The following PLCD1 variants were observed in gnomAD, a reference collection of about 807,000 sequenced individuals.
The protein encoded by PLCD1 is phospholipase C delta 1.
In PLCD1, 71 loss-of-function variants were observed where a neutral mutation model predicts 87.4. The ratio of observed to expected loss-of-function variants is 0.81; its 90% CI spans 0.67 to 0.99. The LOEUF (loss-of-function observed/expected upper bound fraction) is 0.99, where lower values mean the gene tolerates loss of function less well. Ranked by LOEUF, PLCD1 falls within the 50% of genes least tolerant of loss-of-function variation. The pLI is 0.00. For missense variants in PLCD1, 867 were observed against 1,001.5 expected (o/e 0.87, Z 1.81); for synonymous variants, 348 against 399.2 (o/e 0.87, Z 1.53).
At position 38,017,400 on chromosome 3, in the gene PLCD1, G is replaced by T. The variant is rs1228936918; in HGVS notation, c.200-681C>A. Among the ~76,000 whole-genome samples the T allele has an allele frequency of 2.0e-5, 3 of 152,118 alleles. No individual in the cohort carries two copies. The highest frequency in any genetic ancestry group is 4.4e-5 in the Non-Finnish European group (3 of 68,002). On this transcript the variant is annotated intron_variant, in intron 2 of 14. Transcript: ENST00000334661. The surrounding 1 kb of genome is among the most constrained non-coding windows in gnomAD (Gnocchi z 4.7). ...GACTTCAGGGAGCCCCTTGGCAGGG[G>T]GTACAGGAAGACTCTGCCTTCCCCA...
In PLCD1 at chr3:38,026,375, C is replaced by T. The variant is rs370110753; in HGVS notation, c.34+3131G>A. Among the ~76,000 whole-genome samples, 7 of 152,172 alleles carry T rather than the reference C, an allele frequency of 4.6e-5. No individual in the cohort carries two copies. The South Asian group carries it at 6.2e-4, about 14-fold the overall frequency. On this transcript the variant is annotated intron_variant, in intron 1 of 14. Transcript: ENST00000334661. ...CTCTGCTAAAAATACAAAAATTAGC[C>T]GGGCGTGGCGGCCGGCACCTGTAAT...
In PLCD1 at chr3:38,024,400, A is replaced by G. The variant is rs1559378322; in HGVS notation, c.35-4048T>C. The G allele has an allele frequency of 2.5e-6, 4 of 1,612,610 alleles. 1 individual carries two copies. In the South Asian group the frequency reaches 4.4e-5, roughly 18 times the overall value. ...CGCTCCTGCAGGTAGAGCTCCCTGG[A>G]GCGGCTCCGGCTCCGGATCCCCAGG... On this transcript the variant is annotated intron_variant, in intron 1 of 14. Transcript: ENST00000334661.
At chr3:38,008,965 G>T in intron 11 of PLCD1, 77 bp downstream of exon 11, 1 of 1,180,872 alleles carries the variant, frequency 8.5e-7, no homozygotes. Context: ...CCACTGCATG[G>T]CCTTCGAGGC....
intron 1 of PLCD1, among the ~76,000 whole-genome samples, chr3:38,028,437 C>T (rs1700329801): frequency 1.3e-5 from 2 of 152,194 alleles, no homozygotes; most frequent in African/African-American, 4.8e-5. Context: ...CTGATGGGAA[C>T]ATCTCTAAGT....
intron 1 of PLCD1, among the ~76,000 whole-genome samples, chr3:38,028,668 C>G (rs1020965578): frequency 1.3e-5 from 2 of 152,196 alleles, no homozygotes; most frequent in African/African-American, 4.8e-5. Flanking sequence ...GGCAGGAGGG[C>G]AAGCCCCCAC....
Position 38,008,493 on chromosome 3 carries a change from CCT to C in PLCD1, c.1865_1866del (p.Gln622ArgfsTer26). ...AGCCGCTTCCGTGCCCACCAGGGCCCCTGAGCCAGGGCGCGGGGGTTAAAGGT... is the reference window on the plus strand; with the variant it reads ...AGCCGCTTCCGTGCCCACCAGGGCCCGAGCCAGGGCGCGGGGGTTAAAGGT... ...NGTFNPRALA[Q>X]GPWWARKRLN... is the part of the protein sequence containing the mutation. On this transcript the variant is annotated frameshift_variant, in exon 12 of 15. Coordinates refer to ENST00000334661, the MANE Select transcript of PLCD1 (RefSeq NM_006225.4). LOFTEE classifies it high-confidence loss of function. 15 of 1,614,180 alleles carry C rather than the reference CCT, an allele frequency of 9.3e-6. No individual in the cohort carries two copies. Among genetic ancestry groups the C allele is most frequent in the Non-Finnish European group, 1.3e-5 (15 of 1,179,998 alleles).
chr3:38,009,685 C>T lies in PLCD1; in HGVS notation c.1414G>A (p.Ala472Thr), dbSNP rs1204696674. The T allele has an allele frequency of 6.2e-7, 1 of 1,614,184 alleles. No homozygotes were observed. The highest frequency in any genetic ancestry group is 2.2e-5 in the East Asian group (1 of 44,870). Residue 472 changes from alanine to threonine, a missense_variant, in exon 9 of 15, where the codon GCA becomes ACA. Transcript: ENST00000334661. ...EDEAAEMEDE[A>T]VRSRVQHKPK... ...TTGTGCTGCACACGGCTCCTCACTGCCTCATCCTCCATCTCAGCAGCCTCG... is the reference window on the plus strand; with the variant it reads ...TTGTGCTGCACACGGCTCCTCACTGTCTCATCCTCCATCTCAGCAGCCTCG...
At chr3:38,029,390 C>T (rs1700339482) in intron 1 of PLCD1, 116 bp downstream of exon 1, 2 of 900,386 alleles carry the variant, frequency 2.2e-6, no homozygotes, top group Non-Finnish European at 3.5e-6. Flanking sequence ...GAGAGGCGGG[C>T]CCGGGGTGGT....
At chr3:38,029,411 C>G (rs1456817854) in intron 1 of PLCD1, 95 bp downstream of exon 1, 2 of 1,148,726 alleles carry the variant, frequency 1.7e-6, no homozygotes, top group Non-Finnish European at 1.3e-6. Flanking sequence ...GTGGAGGCGG[C>G]CGAAGGAGCT....
rs1209567497 is a variant in PLCD1 at position 38,007,521 on chromosome 3, A to T, written c.*252T>A. 3.1e-6 allele frequency: 2 copies of T among 654,680 alleles called. No homozygotes were observed. The highest frequency in any genetic ancestry group is 5.6e-6 in the Non-Finnish European group (2 of 357,964). 40.6% of individuals were successfully genotyped at this position (654,680 alleles called of 1,614,324 possible). On this transcript the variant is annotated 3_prime_UTR_variant, in exon 15 of 15. Coordinates refer to ENST00000334661, the MANE Select transcript of PLCD1 (RefSeq NM_006225.4). ...TTAATCTTATCGTGATTTTTATAAA[A>T]ATCCTTGACCACTCGCTGGCCGGAG...
chr3:38,027,187 C>T (rs1180270722), intron 1 of PLCD1, among the ~76,000 whole-genome samples: 2 of 152,192 alleles, frequency 1.3e-5, no homozygotes, highest in East Asian at 1.9e-4. Context: ...CTGGCTGGCT[C>T]GCTCTTGAAT....
intron 1 of PLCD1, chr3:38,024,198 C>A: frequency 1.4e-6 from 1 of 739,976 alleles, no homozygotes; most frequent in Non-Finnish European, 2.3e-6. Flanking sequence ...CAGTGGGCCA[C>A]ACACTCACAG....
rs1221997738 is a variant in PLCD1 at position 38,017,686 on chromosome 3, C to T, written c.200-967G>A. 6.6e-6 allele frequency among the ~76,000 whole-genome samples: 1 copy of T among 152,214 alleles called. No individual in the cohort carries two copies. Among genetic ancestry groups the T allele is most frequent in the Non-Finnish European group, 1.5e-5 (1 of 68,026 alleles). On this transcript the variant is annotated intron_variant, in intron 2 of 14. Coordinates refer to ENST00000334661, the MANE Select transcript of PLCD1 (RefSeq NM_006225.4). The surrounding 1 kb of genome is among the most constrained non-coding windows in gnomAD (Gnocchi z 4.7). ...TGCCATACCTCCATCCTGAGCCATCCTCATCCATCTGTCCTGGCTCCTAGA... is the reference window on the plus strand; with the variant it reads ...TGCCATACCTCCATCCTGAGCCATCTTCATCCATCTGTCCTGGCTCCTAGA...
In PLCD1 at chr3:38,018,749, GA is replaced by G. The variant is rs1700192065; in HGVS notation, c.199+1438del. Among the ~76,000 whole-genome samples the G allele has an allele frequency of 6.6e-6, 1 of 152,130 alleles. No individual in the cohort carries two copies. The highest frequency in any genetic ancestry group is 3.2e-3 in the Middle Eastern group (1 of 316). ...AACAGGAAATCCCATATCAGGGCAA[GA>G]GCCCCATGAAGGAGCCTGTCTGGCG... On this transcript the variant is annotated intron_variant, in intron 2 of 14. Transcript: ENST00000334661. This position sits in a 1 kb window ranked among gnomAD's most constrained non-coding sequence, Gnocchi z 5.7.
chr3:38,013,208 CTT>C (rs869279889), intron 3 of PLCD1, among the ~76,000 whole-genome samples: 4,155 of 118,372 alleles, frequency 0.035, 107 homozygotes, highest in African/African-American at 0.075. Context: ...TTTTAATTTT[CTT>C]TTTTTTTTTT....
At position 38,009,088 on chromosome 3, in the gene PLCD1, G is replaced by A. The variant is rs774057411; in HGVS notation, c.1677C>T (p.Ser559=). 4 of 1,613,938 alleles carry A rather than the reference G, an allele frequency of 2.5e-6. No homozygotes were observed. The South Asian group carries it at 3.3e-5, about 13-fold the overall frequency. Residue 559 remains serine (S), a synonymous_variant, in exon 11 of 15, where the codon TCC becomes TCT. Transcript: ENST00000334661. ...ACATCTCCACGGGGCTGTAGTTGGA[G>A]GAGTCTGTTCTCCATCCAGCCGGGT... ...RIYPAGWRTD[S]SNYSPVEMWN...
At chr3:38,028,674 C>T (rs1227177178) in intron 1 of PLCD1, among the ~76,000 whole-genome samples, 1 of 152,188 alleles carries the variant, frequency 6.6e-6, no homozygotes, top group Non-Finnish European at 1.5e-5. Flanking sequence ...AGGGCAAGCC[C>T]CCACCAAGAG....
At chr3:38,016,883 G>T (rs1700165018) in intron 2 of PLCD1, among the ~76,000 whole-genome samples, 164 bp from the exon 3 acceptor site, 1 of 152,220 alleles carries the variant, frequency 6.6e-6, no homozygotes, top group Non-Finnish European at 1.5e-5. Context: ...GGGGCAGGAG[G>T]TTGGACAAGT....
chr3:38,010,556 G>T lies in PLCD1; in HGVS notation c.797C>A (p.Ala266Glu). 6.2e-7 allele frequency: 1 copy of T among 1,612,552 alleles called. No individual in the cohort carries two copies. Among genetic ancestry groups the T allele is most frequent in the African/African-American group, 1.3e-5 (1 of 75,006 alleles). Residue 266 changes from alanine to glutamate, a missense_variant, in exon 6 of 15, where the codon GCG becomes GAG. Transcript: ENST00000334661. ...GCCGTCCTTGGTCATCTGCCGCTGC[G>T]CCTTGGCTGGGAGGGAGGAGGCCAC... ...ERYEPSETAK[A>E]QRQMTKDGFL...
Sources: allele counts gnomAD v4.1 joint callset (sites outside exome capture counted in the v4.1 genomes callset), GRCh38; gene constraint gnomAD v4.1.1; non-coding constraint Gnocchi (gnomAD v3.1); transcripts MANE v1.5; gene names NCBI Gene and HGNC (gene_info 2026-07-23, HGNC 2026-07-21).